Variants in MSH4 observed in about 807,000 individuals in gnomAD.
MSH4 encodes mutS homolog 4, also known as mutS protein homolog 4.
Under a neutral mutation model 113.7 loss-of-function variants are expected in MSH4, and 106 were observed. The ratio of observed to expected loss-of-function variants is 0.93; its 90% CI spans 0.80 to 1.10. The LOEUF (loss-of-function observed/expected upper bound fraction) is 1.10, where lower values mean the gene tolerates loss of function less well. MSH4 is among the 50% of genes least tolerant of loss of function. The pLI is 0.00. For missense variants in MSH4, 1,061 were observed against 1,093.7 expected (o/e 0.97, Z 0.42); for synonymous variants, 368 against 380.2 (o/e 0.97, Z 0.37).
intron 9 of MSH4, among the ~76,000 whole-genome samples, chr1:75,870,163 C>T (rs577676701): frequency 6.6e-5 from 10 of 152,290 alleles, no homozygotes; most frequent in Admixed American, 2.0e-4. Flanking sequence ...TTTGGACTTG[C>T]GTGGGGCCTG....
Position 75,816,555 on chromosome 1 carries a change from A to C in MSH4, c.989+9A>C. ...AATAATCAAGACTATAGGTAAGATC[A>C]TCCATTTTATTTGTATAAAATATAT... On this transcript the variant is annotated intron_variant, in intron 6 of 19. Coordinates refer to ENST00000263187, the MANE Select transcript of MSH4 (RefSeq NM_002440.4). 5.4e-6 allele frequency: 8 copies of C among 1,480,640 alleles called. No homozygotes were observed. Among genetic ancestry groups the C allele is most frequent in the African/African-American group, 1.4e-5 (1 of 71,574 alleles). 91.7% of individuals were successfully genotyped at this position (1,480,640 alleles called of 1,614,324 possible). A position where few individuals can be genotyped will look rare whatever the true frequency, so the allele number is the denominator to read the frequency against.
At chr1:75,856,311 T>C (rs1259520712) in intron 8 of MSH4, among the ~76,000 whole-genome samples, 1 of 152,216 alleles carries the variant, frequency 6.6e-6, no homozygotes, top group Non-Finnish European at 1.5e-5. Context: ...ATGTATATTT[T>C]AGGTTCTGGG....
At chr1:75,902,144 C>CT (rs1652519378) in intron 19 of MSH4, among the ~76,000 whole-genome samples, 1 of 152,038 alleles carries the variant, frequency 6.6e-6, no homozygotes, top group African/African-American at 2.4e-5. Flanking sequence ...TTAAAGGCCC[C>CT]TTTTCACAAC....
At chr1:75,894,355 A>T (rs1295092761) in intron 17 of MSH4, among the ~76,000 whole-genome samples, 1 of 152,164 alleles carries the variant, frequency 6.6e-6, no homozygotes, top group Non-Finnish European at 1.5e-5. Flanking sequence ...CTAAATTCTG[A>T]CTTGATCTGA....
Position 75,890,719 on chromosome 1 carries a change from T to C in MSH4, c.2250T>C (p.Ala750=), listed in dbSNP as rs1310967978. The C allele has an allele frequency of 1.9e-6, 3 of 1,594,246 alleles. No individual in the cohort carries two copies. In the Admixed American group the frequency reaches 5.1e-5, roughly 27 times the overall value. The change falls in exon 17 of 20, where the codon GCT becomes GCC. Residue 750 remains alanine (A), a synonymous_variant. Transcript: ENST00000263187. ...AGATAGCATATATTCTACATAATGCTAATGACAAATCGCTCATATTAATTG... is the reference window on the plus strand; with the variant it reads ...AGATAGCATATATTCTACATAATGCCAATGACAAATCGCTCATATTAATTG... ...MKEIAYILHN[A]NDKSLILIDE...
chr1:75,844,612 C>T (rs986306017), intron 7 of MSH4, among the ~76,000 whole-genome samples: 48 of 152,156 alleles, frequency 3.2e-4, no homozygotes, highest in African/African-American at 1.1e-3. Flanking sequence ...AGGTGTAAGC[C>T]ACCACACCTG....
chr1:75,806,219 A>T, intron 2 of MSH4, among the ~76,000 whole-genome samples: 2 of 122,406 alleles, frequency 1.6e-5, no homozygotes, highest in South Asian at 2.9e-4. Flanking sequence ...AAATATTTTG[A>T]TGACTTTTCT....
intron 7 of MSH4, among the ~76,000 whole-genome samples, chr1:75,836,264 T>C (rs1445523146): frequency 1.3e-5 from 2 of 151,874 alleles, no homozygotes; most frequent in East Asian, 3.9e-4. Context: ...ACTGGTTTCT[T>C]CTGGAAGCAG....
At chr1:75,872,004 T>C (rs1651721240) in intron 9 of MSH4, among the ~76,000 whole-genome samples, 1 of 152,162 alleles carries the variant, frequency 6.6e-6, no homozygotes, top group African/African-American at 2.4e-5. Flanking sequence ...TTCTGAAACT[T>C]TTTAAGTACC....
intron 15 of MSH4, among the ~76,000 whole-genome samples, chr1:75,885,059 G>GTGTGTGTGTGTGTGTGTATA (rs1300289205): frequency 3.6e-5 from 4 of 112,552 alleles, no homozygotes; most frequent in African/African-American, 1.2e-4. Context: ...GTGTGTGTGT[G>GTGTGTGTGTGTGTGTGTATA]TATATATATA....
In MSH4 at chr1:75,881,369, T is replaced by C; in HGVS notation, c.1905T>C (p.Tyr635=). 1 of 1,610,730 alleles carries C rather than the reference T, an allele frequency of 6.2e-7. No individual in the cohort carries two copies. Among genetic ancestry groups the C allele is most frequent in the Non-Finnish European group, 8.5e-7 (1 of 1,178,812 alleles). Residue 635 remains tyrosine (Y), a splice_region_variant and synonymous_variant, in exon 14 of 20, where the codon TAT becomes TAC. Transcript: ENST00000263187. Reference sequence around the variant, plus strand: ...CTCATGCCTGCACTCTTTCTGACTATGGTAAGTTGCTTTCTTTGGAATAAA... The same window carrying C: ...CTCATGCCTGCACTCTTTCTGACTACGGTAAGTTGCTTTCTTTGGAATAAA... ...SFAHACTLSD[Y]VRPEFTDTLA... is the part of the protein sequence containing the mutation.
At chr1:75,830,413 C>A (rs1650656740) in intron 7 of MSH4, among the ~76,000 whole-genome samples, 1 of 152,070 alleles carries the variant, frequency 6.6e-6, no homozygotes, top group Admixed American at 6.6e-5. Flanking sequence ...GGCAGGCCAA[C>A]AATTCAAATT....
At chr1:75,880,830 A>T (rs888579186) in intron 13 of MSH4, among the ~76,000 whole-genome samples, 1 of 152,000 alleles carries the variant, frequency 6.6e-6, no homozygotes, top group African/African-American at 2.4e-5. Context: ...GAAAAAATGG[A>T]TGAGAGAGAA....
In MSH4 at chr1:75,883,794, G is replaced by C. The variant is rs935135534; in HGVS notation, c.2080G>C (p.Ala694Pro). The C allele has an allele frequency of 6.2e-7, 1 of 1,612,530 alleles. No homozygotes were observed. The change falls in exon 15 of 20, where the codon GCT (alanine) becomes CCT (proline). Residue 694 changes from alanine (A) to proline (P), a missense_variant. By Grantham distance (27) the Ala-to-Pro change is conservative. Transcript: ENST00000263187. ...AAAATCCACATATTTAAAACAGATT[G>C]CTCTTTGTCAGATTATGGCCCAGAT... ...SGKSTYLKQI[A>P]LCQIMAQIGS...
Position 75,813,376 on chromosome 1 carries a change from A to T in MSH4, c.700-1645A>T, listed in dbSNP as rs78429322. 9.7e-4 allele frequency among the ~76,000 whole-genome samples: 147 copies of T among 152,318 alleles called. 1 individual carries two copies. Among genetic ancestry groups the T allele is most frequent in the African/African-American group, 3.5e-3 (146 of 41,586 alleles). The stretch of plus-strand genomic sequence containing the variant: ...CAACATAATTTCAGTGCATTTGAAT[A>T]GTAAGGCAGTATAGCATAGTGCTTA... On this transcript the variant is annotated intron_variant, in intron 4 of 19. Coordinates refer to ENST00000263187, the MANE Select transcript of MSH4 (RefSeq NM_002440.4).
At chr1:75,903,697 G>T (rs1319522926) in intron 19 of MSH4, among the ~76,000 whole-genome samples, 1 of 151,918 alleles carries the variant, frequency 6.6e-6, no homozygotes, top group Non-Finnish European at 1.5e-5. Context: ...CCATAAATGG[G>T]ATTTCTTCTT....
At chr1:75,867,741 T>C (rs5745438) in intron 9 of MSH4, among the ~76,000 whole-genome samples, 153 bp downstream of exon 9, 12,742 of 152,098 alleles carry the variant, frequency 0.084, 786 homozygotes, top group African/African-American at 0.17. Context: ...CACATACACA[T>C]TGTTAGCCTT....
chr1:75,897,905 AG>A lies in MSH4; in HGVS notation c.2356del. ...ATATTCATTGTCTGTTATATATTCC[AG>A]GCATTTACACTGTTTGCTACACATT... On this transcript the variant is annotated splice_acceptor_variant, in intron 17 of 19. Coordinates refer to ENST00000263187, the MANE Select transcript of MSH4 (RefSeq NM_002440.4). LOFTEE classifies it high-confidence loss of function. 1 of 1,497,816 alleles carries A rather than the reference AG, an allele frequency of 6.7e-7. No homozygotes were observed. Among genetic ancestry groups the A allele is most frequent in the Non-Finnish European group, 8.9e-7 (1 of 1,121,808 alleles). 92.8% of individuals were successfully genotyped at this position (1,497,816 alleles called of 1,614,324 possible).
chr1:75,874,479 T>C (rs190872321), intron 9 of MSH4, among the ~76,000 whole-genome samples: 3 of 152,160 alleles, frequency 2.0e-5, no homozygotes, highest in Admixed American at 2.0e-4. Flanking sequence ...TATGTCACTA[T>C]GCCCAGATAA....
Sources: gnomAD v4.1 joint callset for allele counts (sites outside exome capture counted in the v4.1 genomes callset) on GRCh38, gnomAD v4.1.1 for gene constraint, MANE v1.5 for transcripts, NCBI Gene and HGNC (gene_info 2026-07-23, HGNC 2026-07-21) for gene names.